The following IL1RAPL1 variants were observed in gnomAD, a reference collection of about 807,000 sequenced individuals.
IL1RAPL1 encodes interleukin 1 receptor accessory protein like 1.
In IL1RAPL1, 3 loss-of-function variants were observed where a neutral mutation model predicts 48.4. The observed-to-expected ratio is 0.06, with a 90% CI of 0.03 to 0.16. The LOEUF (loss-of-function observed/expected upper bound fraction) is 0.16, where lower values mean the gene tolerates loss of function less well. Ranked by LOEUF, IL1RAPL1 falls within the 10% of genes least tolerant of loss-of-function variation. The probability of loss-of-function intolerance (pLI) is 1.00; values close to 1 mark genes in which losing one functional copy is unlikely to be tolerated. For synonymous variants in IL1RAPL1, 185 were observed against 187.7 expected, an observed-to-expected ratio of 0.99 and a Z score of 0.12; for missense variants, 349 against 530.6, an observed-to-expected ratio of 0.66 and a Z score of 3.36.
intron 5 of IL1RAPL1, among the ~76,000 whole-genome samples, chrX:29,429,911 G>C (rs1352791198): frequency 4.7e-5 from 5 of 106,122 alleles, no homozygotes; most frequent in African/African-American, 1.4e-4. Flanking sequence ...GTGTGTGTGT[G>C]TGTGTGTGTG....
chrX:28,873,196 C>T (rs1296112319), intron 2 of IL1RAPL1, among the ~76,000 whole-genome samples: 5 of 102,852 alleles, frequency 4.9e-5, no homozygotes, highest in Non-Finnish European at 7.9e-5. Flanking sequence ...CTGCAACGTC[C>T]GCCTCCCGGG....
chrX:29,620,100 T>A (rs1305357174), intron 5 of IL1RAPL1, among the ~76,000 whole-genome samples: 3 of 111,946 alleles, frequency 2.7e-5, no homozygotes, highest in African/African-American at 3.2e-5. Flanking sequence ...ATGTGAGGGC[T>A]CCTTTCTCAT....
intron 1 of IL1RAPL1, among the ~76,000 whole-genome samples, chrX:28,638,670 G>A (rs1343279912): frequency 2.8e-5 from 3 of 108,962 alleles, no homozygotes; most frequent in Non-Finnish European, 5.7e-5. Flanking sequence ...AAGGAGAGAT[G>A]AAAATATTAA....
intron 1 of IL1RAPL1, among the ~76,000 whole-genome samples, chrX:28,664,918 A>C (rs184217354): frequency 2.0e-3 from 189 of 93,598 alleles, no homozygotes; most frequent in African/African-American, 6.3e-3. Flanking sequence ...TAGACTCTAA[A>C]TCTGGTCTCC....
At chrX:29,630,283 G>T (rs754603020) in intron 5 of IL1RAPL1, among the ~76,000 whole-genome samples, 2 of 111,541 alleles carry the variant, frequency 1.8e-5, no homozygotes, top group African/African-American at 3.3e-5. Flanking sequence ...TAAAACCAGC[G>T]ACTCTGGAGT....
At chrX:29,129,285 C>T (rs1471011270) in intron 2 of IL1RAPL1, among the ~76,000 whole-genome samples, 1 of 111,000 alleles carries the variant, frequency 9.0e-6, no homozygotes, top group Non-Finnish European at 1.9e-5. Flanking sequence ...TCAGGTGATC[C>T]CCCTGCCTCG....
At chrX:28,662,729 G>A (rs1008029089) in intron 1 of IL1RAPL1, among the ~76,000 whole-genome samples, 6 of 111,546 alleles carry the variant, frequency 5.4e-5, no homozygotes, top group African/African-American at 1.6e-4. Context: ...ATAATAGTGC[G>A]GCTTTCTCTG....
chrX:29,499,351 A>G (rs1443778561), intron 5 of IL1RAPL1, among the ~76,000 whole-genome samples: 1 of 111,969 alleles, frequency 8.9e-6, no homozygotes, highest in Non-Finnish European at 1.9e-5. Flanking sequence ...TGGCTCTATG[A>G]GTTTTAATGA....
At chrX:29,895,502 C>T (rs1336896516) in intron 6 of IL1RAPL1, among the ~76,000 whole-genome samples, 1 of 112,540 alleles carries the variant, frequency 8.9e-6, no homozygotes, top group Non-Finnish European at 1.9e-5. Context: ...CAAGATCGCA[C>T]CACTGCACCA....
intron 6 of IL1RAPL1, among the ~76,000 whole-genome samples, chrX:29,772,050 G>A (rs140750770): frequency 0.024 from 2,631 of 109,769 alleles, 89 homozygotes; most frequent in African/African-American, 0.083. Flanking sequence ...CTCCCACCAG[G>A]TCCCTCCCAC....
intron 5 of IL1RAPL1, among the ~76,000 whole-genome samples, chrX:29,493,215 C>T (rs764947338): frequency 1.8e-5 from 2 of 111,600 alleles, no homozygotes; most frequent in Admixed American, 9.6e-5. Context: ...TTCCCAGGTA[C>T]GACCAAGAGT....
intron 6 of IL1RAPL1, among the ~76,000 whole-genome samples, chrX:29,798,955 C>T (rs1051339675): frequency 1.8e-5 from 2 of 112,317 alleles, no homozygotes; most frequent in Non-Finnish European, 3.8e-5. Flanking sequence ...ATTCCATTTT[C>T]AGAAATAGTT....
At chrX:29,687,982 C>T (rs1926674520) in intron 6 of IL1RAPL1, among the ~76,000 whole-genome samples, 1 of 111,735 alleles carries the variant, frequency 8.9e-6, no homozygotes, top group Non-Finnish European at 1.9e-5. Context: ...CCCAGTGAGG[C>T]TCTGAAGATC....
chrX:28,625,827 C>G (rs1461951407), intron 1 of IL1RAPL1, among the ~76,000 whole-genome samples: 1 of 109,843 alleles, frequency 9.1e-6, no homozygotes, highest in African/African-American at 3.3e-5. Context: ...TGTTCAAATT[C>G]TACTAAGTCA....
At chrX:28,591,277 G>T (rs1195639071) in intron 1 of IL1RAPL1, among the ~76,000 whole-genome samples, 1 of 112,112 alleles carries the variant, frequency 8.9e-6, no homozygotes, top group East Asian at 2.8e-4. Context: ...CCTAAAACTA[G>T]AGAAAATTTT....
intron 1 of IL1RAPL1, among the ~76,000 whole-genome samples, chrX:28,712,173 C>T (rs141015269): frequency 1.7e-3 from 193 of 110,713 alleles, no homozygotes; most frequent in African/African-American, 5.3e-3. Flanking sequence ...TCCTTGAGGG[C>T]CACAGTCATG....
At chrX:29,181,712 A>G (rs1930147454) in intron 2 of IL1RAPL1, among the ~76,000 whole-genome samples, 2 of 112,044 alleles carry the variant, frequency 1.8e-5, no homozygotes, top group South Asian at 7.3e-4. Context: ...AATTGCATAA[A>G]ATAAAGGATG....
At chrX:29,317,937 G>GA (rs1257262084) in intron 3 of IL1RAPL1, among the ~76,000 whole-genome samples, 1 of 111,743 alleles carries the variant, frequency 8.9e-6, no homozygotes, top group African/African-American at 3.2e-5. Flanking sequence ...ACATATTTGA[G>GA]AAAACAAGCT....
chrX:29,638,938 G>A (rs886754271), intron 5 of IL1RAPL1, among the ~76,000 whole-genome samples: 2 of 112,097 alleles, frequency 1.8e-5, no homozygotes, highest in Admixed American at 1.9e-4. Flanking sequence ...TGTAATCCCA[G>A]CACTTTGGGA....
Sources: gnomAD v4.1 joint callset for allele counts (sites outside exome capture counted in the v4.1 genomes callset) on GRCh38, gnomAD v4.1.1 for gene constraint, MANE v1.5 for transcripts, NCBI Gene and HGNC (gene_info 2026-07-23, HGNC 2026-07-21) for gene names.